The following HS6ST3 variants were observed in gnomAD, a reference collection of about 807,000 sequenced individuals.
HS6ST3 encodes heparan-sulfate 6-O-sulfotransferase 3.
HS6ST3 carries 12 observed loss-of-function variants against 36.7 expected under a neutral mutation model. That is an observed-to-expected ratio of 0.33 (90% CI 0.21 to 0.53). The LOEUF (loss-of-function observed/expected upper bound fraction) is 0.53, where lower values mean the gene tolerates loss of function less well. Ranked by LOEUF, HS6ST3 falls within the 20% of genes least tolerant of loss-of-function variation. The pLI is 0.95. For synonymous variants in HS6ST3, 240 were observed against 257.5 expected, an observed-to-expected ratio of 0.93 and a Z score of 0.65; for missense variants, 584 against 640.9, an observed-to-expected ratio of 0.91 and a Z score of 0.96.
intron 1 of HS6ST3, among the ~76,000 whole-genome samples, chr13:96,820,457 G>A (rs1444533436): frequency 1.3e-5 from 2 of 152,138 alleles, no homozygotes; most frequent in Non-Finnish European, 2.9e-5. Context: ...TAATCATGGA[G>A]AAGGGAGAAC....
chr13:96,593,300 C>T (rs567722457), intron 1 of HS6ST3, among the ~76,000 whole-genome samples: 1 of 147,048 alleles, frequency 6.8e-6, no homozygotes, highest in East Asian at 2.1e-4. Context: ...TCTCCTGCCT[C>T]AGCCTCCCGA....
intron 1 of HS6ST3, among the ~76,000 whole-genome samples, chr13:96,189,304 G>A (rs1023371182): frequency 2.0e-4 from 30 of 152,028 alleles, no homozygotes; most frequent in Middle Eastern, 3.2e-3. Context: ...AATAAGTCAT[G>A]GGGGTTGTAA....
chr13:96,678,593 G>A (rs915056000), intron 1 of HS6ST3, among the ~76,000 whole-genome samples: 6 of 151,826 alleles, frequency 4.0e-5, no homozygotes, highest in African/African-American at 1.5e-4. Flanking sequence ...AGAATTGCTT[G>A]AATCCAGGAG....
At chr13:96,767,104 G>A (rs1258093379) in intron 1 of HS6ST3, among the ~76,000 whole-genome samples, 2 of 152,096 alleles carry the variant, frequency 1.3e-5, no homozygotes, top group Non-Finnish European at 2.9e-5. Context: ...TGACTACATC[G>A]TGCCTGGAAT....
At chr13:96,299,128 C>T (rs1050820700) in intron 1 of HS6ST3, among the ~76,000 whole-genome samples, 4 of 152,168 alleles carry the variant, frequency 2.6e-5, no homozygotes, top group African/African-American at 9.7e-5. Flanking sequence ...AGCCCTTAAT[C>T]CAGGCACAGG....
intron 1 of HS6ST3, among the ~76,000 whole-genome samples, chr13:96,140,140 C>G (rs1047012767): frequency 6.6e-6 from 1 of 152,080 alleles, no homozygotes; most frequent in Non-Finnish European, 1.5e-5. Flanking sequence ...ATACACAGAT[C>G]TATTATAAAA....
intron 1 of HS6ST3, among the ~76,000 whole-genome samples, chr13:96,666,970 T>C (rs2056666125): frequency 6.6e-6 from 1 of 152,132 alleles, no homozygotes; most frequent in African/African-American, 2.4e-5. Context: ...TTTTATTATG[T>C]AGGATGTCAT....
intron 1 of HS6ST3, among the ~76,000 whole-genome samples, chr13:96,477,291 G>A (rs977664850): frequency 5.9e-5 from 9 of 152,294 alleles, no homozygotes; most frequent in Admixed American, 2.6e-4. Flanking sequence ...AGAGGGATGC[G>A]AATGGAATTT....
intron 1 of HS6ST3, among the ~76,000 whole-genome samples, chr13:96,741,160 A>G (rs953136997): frequency 6.6e-6 from 1 of 152,182 alleles, no homozygotes; most frequent in Non-Finnish European, 1.5e-5. Context: ...GCCATTTGAC[A>G]TTATGTGGCA....
At position 96,799,964 on chromosome 13, in the gene HS6ST3, G is replaced by GTATA. The variant is rs1878010736; in HGVS notation, c.708-32525_708-32524insATAT. On this transcript the variant is annotated intron_variant, in intron 1 of 1. Coordinates refer to ENST00000376705, the MANE Select transcript of HS6ST3 (RefSeq NM_153456.4). Reference sequence around the variant, plus strand: ...TGTGTGTATATATATATATATATATGTGTATATATATATATATGTATATAT... The same window carrying GTATA: ...TGTGTGTATATATATATATATATATGTATATGTATATATATATATATGTATATAT... Among the ~76,000 whole-genome samples the GTATA allele has an allele frequency of 3.6e-5, 2 of 55,314 alleles. 1 individual carries two copies. Among genetic ancestry groups the GTATA allele is most frequent in the African/African-American group, 2.9e-4 (2 of 6,824 alleles). 36.3% of individuals were successfully genotyped at this position (55,314 alleles called of 152,430 possible).
intron 1 of HS6ST3, among the ~76,000 whole-genome samples, chr13:96,266,709 A>G (rs910822598): frequency 1.3e-5 from 2 of 152,174 alleles, no homozygotes; most frequent in Admixed American, 6.5e-5. Context: ...GATTAAAAAA[A>G]TACACTATAG....
chr13:96,344,637 G>A (rs988164065), intron 1 of HS6ST3, among the ~76,000 whole-genome samples: 3 of 152,184 alleles, frequency 2.0e-5, no homozygotes, highest in Non-Finnish European at 4.4e-5. Flanking sequence ...TCCTGTGGTG[G>A]TTAGTGGTAC....
chr13:96,727,501 T>A (rs1005083450), intron 1 of HS6ST3, among the ~76,000 whole-genome samples: 3 of 152,186 alleles, frequency 2.0e-5, no homozygotes, highest in Non-Finnish European at 4.4e-5. Context: ...TCCTACAATC[T>A]GTTCTCTGCT....
At chr13:96,365,279 G>A (rs2055257557) in intron 1 of HS6ST3, among the ~76,000 whole-genome samples, 1 of 152,172 alleles carries the variant, frequency 6.6e-6, no homozygotes, top group Admixed American at 6.5e-5. Context: ...TTCAGAATGT[G>A]CCACCCTGTG....
In HS6ST3 at chr13:96,090,491, C is replaced by G. The variant is rs1394369328; in HGVS notation, c.-372C>G. Among the ~76,000 whole-genome samples, 4 of 146,456 alleles carry G rather than the reference C, an allele frequency of 2.7e-5. No individual in the cohort carries two copies. The highest frequency in any genetic ancestry group is 6.1e-5 in the Non-Finnish European group (4 of 65,826). ...GGCTGCGCGCGGCAGGTCCAGGACC[C>G]GAACCCCGCTCCCCAGCGCCTGAGC... On this transcript the variant is annotated 5_prime_UTR_variant, in exon 1 of 2. Coordinates refer to ENST00000376705, the MANE Select transcript of HS6ST3 (RefSeq NM_153456.4).
chr13:96,782,613 G>C (rs1877552729), intron 1 of HS6ST3, among the ~76,000 whole-genome samples: 1 of 152,032 alleles, frequency 6.6e-6, no homozygotes, highest in African/African-American at 2.4e-5. Context: ...CATTTATTTT[G>C]CCCTTAAGTT....
chr13:96,454,883 A>G (rs996254343), intron 1 of HS6ST3, among the ~76,000 whole-genome samples: 2 of 151,756 alleles, frequency 1.3e-5, no homozygotes, highest in African/African-American at 4.8e-5. Context: ...CTAAAAAAAA[A>G]AAAACATACG....
At chr13:96,375,565 C>A (rs952569116) in intron 1 of HS6ST3, among the ~76,000 whole-genome samples, 1 of 152,198 alleles carries the variant, frequency 6.6e-6, no homozygotes, top group Admixed American at 6.5e-5. Context: ...CAGTCTCTAA[C>A]TTCAAGCCTG....
At chr13:96,672,295 T>C (rs2056685189) in intron 1 of HS6ST3, among the ~76,000 whole-genome samples, 1 of 152,204 alleles carries the variant, frequency 6.6e-6, no homozygotes, top group Non-Finnish European at 1.5e-5. Context: ...TTTCCTTTCT[T>C]GTACTATATT....
Sources: allele counts gnomAD v4.1 joint callset (sites outside exome capture counted in the v4.1 genomes callset), GRCh38; gene constraint gnomAD v4.1.1; transcripts MANE v1.5; gene names NCBI Gene and HGNC (gene_info 2026-07-23, HGNC 2026-07-21).